Variants in PCDHGA5 observed in about 807,000 individuals in gnomAD.
The protein encoded by PCDHGA5 is protocadherin gamma subfamily A, 5, also known as protocadherin gamma-A5.
In PCDHGA5, 36 loss-of-function variants were observed where a neutral mutation model predicts 56.7. The observed-to-expected ratio is 0.64, with a 90% CI of 0.49 to 0.84. The LOEUF (loss-of-function observed/expected upper bound fraction) is 0.84, where lower values mean the gene tolerates loss of function less well. Ranked by LOEUF, PCDHGA5 falls within the 40% of genes least tolerant of loss-of-function variation. PCDHGA5 has a pLI of 0.00. For synonymous variants in PCDHGA5, 563 were observed against 520.2 expected, an observed-to-expected ratio of 1.08 and a Z score of -1.12; for missense variants, 1,305 against 1,201.5, an observed-to-expected ratio of 1.09 and a Z score of -1.27.
Position 141,382,148 on chromosome 5 carries a change from G to T in PCDHGA5, c.2421+15397G>T, listed in dbSNP as rs368948292. 1.1e-3 allele frequency among the ~76,000 whole-genome samples: 162 copies of T among 151,932 alleles called. 4 individuals are homozygous for T. In the South Asian group the frequency reaches 0.024, roughly 23 times the overall value. Reference sequence around the variant, plus strand: ...TGGCCCCCCCTCTCATTTTTTAAACGGTTAAAATGAAGGTGTTAGACCGTC... The same window carrying T: ...TGGCCCCCCCTCTCATTTTTTAAACTGTTAAAATGAAGGTGTTAGACCGTC... On this transcript the variant is annotated intron_variant, in intron 1 of 3. Coordinates refer to ENST00000518069, the MANE Select transcript of PCDHGA5 (RefSeq NM_018918.3).
chr5:141,405,459 A>T, intron 1 of PCDHGA5: 2 of 1,229,452 alleles, frequency 1.6e-6, no homozygotes, highest in Non-Finnish European at 2.3e-6. Flanking sequence ...TTACTCTGTT[A>T]CCCAGGCTGG....
intron 1 of PCDHGA5, chr5:141,402,889 G>A: frequency 1.3e-6 from 2 of 1,493,808 alleles, no homozygotes; most frequent in South Asian, 1.4e-5. Context: ...CAGGGTGGAA[G>A]AAAGAACCTG....
chr5:141,437,978 C>T (rs1014157103), intron 1 of PCDHGA5, among the ~76,000 whole-genome samples: 2 of 152,212 alleles, frequency 1.3e-5, no homozygotes, highest in East Asian at 1.9e-4. Context: ...TCTTGGGATG[C>T]ACCCACCCCA....
intron 3 of PCDHGA5, among the ~76,000 whole-genome samples, chr5:141,506,320 G>A (rs1054880362): frequency 8.6e-5 from 13 of 151,966 alleles, no homozygotes; most frequent in South Asian, 8.3e-4. Flanking sequence ...ATGGTGGTGC[G>A]TGCCTGTAGT....
chr5:141,487,848 G>C lies in PCDHGA5; in HGVS notation c.2422-6959G>C. ...TCATGCCTATATCTGAGTAAGAAAT[G>C]AAAGTAATTGGTGATCAAGAGCCAG... is the stretch of plus-strand genomic sequence containing the variant. On this transcript the variant is annotated intron_variant, in intron 1 of 3. Coordinates refer to ENST00000518069, the MANE Select transcript of PCDHGA5 (RefSeq NM_018918.3). The surrounding 1 kb of genome is among the most constrained non-coding windows in gnomAD (Gnocchi z 5.0). 1 of 1,022,244 alleles carries C rather than the reference G, an allele frequency of 9.8e-7. No homozygotes were observed. The highest frequency in any genetic ancestry group is 1.4e-6 in the Non-Finnish European group (1 of 711,992). The allele number at this position is 1,022,244 out of a possible 1,614,324, so 63.3% of individuals were successfully genotyped here. A position where few individuals can be genotyped will look rare whatever the true frequency, so the allele number is the denominator to read the frequency against.
At chr5:141,372,253 GC>G in intron 1 of PCDHGA5, 1 of 1,613,158 alleles carries the variant, frequency 6.2e-7, no homozygotes, top group Non-Finnish European at 8.5e-7. Flanking sequence ...TTCAGCCTGG[GC>G]CTGCGCACGG....
chr5:141,438,591 CATATATATATATATAT>C (rs946798767), intron 1 of PCDHGA5, among the ~76,000 whole-genome samples: 4 of 75,562 alleles, frequency 5.3e-5, no homozygotes, highest in East Asian at 3.5e-4. Context: ...TACATACATA[CATATATATATATATAT>C]ATATATATAT....
rs2149854630 is a variant in PCDHGA5, at chr5:141,364,185, C to G, written c.-146C>G. The G allele has an allele frequency of 1.0e-6, 1 of 992,250 alleles. No homozygotes were observed. Among genetic ancestry groups the G allele is most frequent in the East Asian group, 2.8e-5 (1 of 35,366 alleles). 61.5% of individuals were successfully genotyped at this position (992,250 alleles called of 1,614,324 possible). On this transcript the variant is annotated 5_prime_UTR_variant, in exon 1 of 4. Transcript: ENST00000518069. ...GCGACCCGACTCTGCTCCCTCCATA[C>G]TAAACACACAGACCAGACAAGCTCC...
Position 141,487,767 on chromosome 5 carries a change from T to G in PCDHGA5, c.2422-7040T>G, listed in dbSNP as rs2099665569. The G allele has an allele frequency of 5.2e-6, 8 of 1,538,298 alleles. No homozygotes were observed. The African/African-American group carries it at 9.6e-5, about 18-fold the overall frequency. On this transcript the variant is annotated intron_variant, in intron 1 of 3. Transcript: ENST00000518069. This position sits in a 1 kb window ranked among gnomAD's most constrained non-coding sequence, Gnocchi z 5.0. ...GGTAACTATGTGGTAGACGCTGTGC[T>G]TTGTAACTGTTTCGTGAATTAACCA... is the stretch of plus-strand genomic sequence containing the variant.
intron 1 of PCDHGA5, among the ~76,000 whole-genome samples, chr5:141,445,554 C>T (rs898901856): frequency 3.3e-5 from 5 of 152,102 alleles, no homozygotes; most frequent in African/African-American, 1.2e-4. Context: ...TACAAAAGCA[C>T]TAAGAGAAAG....
chr5:141,406,415 GC>G (rs2094806009), intron 1 of PCDHGA5, among the ~76,000 whole-genome samples: 1 of 152,164 alleles, frequency 6.6e-6, no homozygotes, highest in Non-Finnish European at 1.5e-5. Flanking sequence ...ACAGCTGAAA[GC>G]CCAGATTTAT....
chr5:141,403,186 C>G, intron 1 of PCDHGA5: 2 of 1,614,012 alleles, frequency 1.2e-6, no homozygotes, highest in Non-Finnish European at 1.7e-6. Flanking sequence ...TCTCTCTGAA[C>G]CCGCGCAGCG....
At chr5:141,385,097 C>G in intron 1 of PCDHGA5, 1 of 1,614,192 alleles carries the variant, frequency 6.2e-7, no homozygotes, top group Non-Finnish European at 8.5e-7. Context: ...GGTGGCTTGG[C>G]GAACGTGCCC....
At chr5:141,473,131 A>G (rs1262205483) in intron 1 of PCDHGA5, among the ~76,000 whole-genome samples, 2 of 152,214 alleles carry the variant, frequency 1.3e-5, no homozygotes, top group Admixed American at 6.5e-5. Context: ...TTGGCAAACT[A>G]TATTATCTCT....
chr5:141,399,775 G>T, intron 1 of PCDHGA5: 3 of 1,613,282 alleles, frequency 1.9e-6, no homozygotes, highest in Non-Finnish European at 2.5e-6. Context: ...GTTGGTGGGC[G>T]ACCGAAACGA....
intron 1 of PCDHGA5, chr5:141,403,903 G>T: frequency 1.2e-6 from 2 of 1,613,804 alleles, no homozygotes; most frequent in Non-Finnish European, 1.7e-6. Context: ...TTTATGAAAT[G>T]GAAATACAAG....
intron 1 of PCDHGA5, among the ~76,000 whole-genome samples, chr5:141,458,871 T>C (rs2098955493): frequency 6.6e-6 from 1 of 152,210 alleles, no homozygotes; most frequent in African/African-American, 2.4e-5. Flanking sequence ...TAGCTGGGAC[T>C]ACAGGCATGC....
chr5:141,376,254 T>C (rs745835885), intron 1 of PCDHGA5: 3 of 1,614,098 alleles, frequency 1.9e-6, no homozygotes, highest in Non-Finnish European at 2.5e-6. Context: ...AAGTCACGCC[T>C]GCTGCAGGCT....
Position 141,365,771 on chromosome 5 carries a change from A to T in PCDHGA5, c.1441A>T (p.Ser481Cys). ...CTCTGTGACAGCCCATGACCCCGAC[A>T]GCGGCGACAACGCTCGAGTCACCTA... ...IFSVTAHDPD[S>C]GDNARVTYSL... The change falls in exon 1 of 4, where the codon AGC (serine) becomes TGC (cysteine). Residue 481 changes from serine (S) to cysteine (C), a missense_variant. By Grantham distance (112) the Ser-to-Cys change is moderately radical (BLOSUM62 -1). Transcript: ENST00000518069. The T allele has an allele frequency of 6.2e-7, 1 of 1,613,880 alleles. No homozygotes were observed. The highest frequency in any genetic ancestry group is 1.1e-5 in the South Asian group (1 of 91,076).
Sources: gnomAD v4.1 joint callset for allele counts (sites outside exome capture counted in the v4.1 genomes callset) on GRCh38, gnomAD v4.1.1 for gene constraint, Gnocchi (gnomAD v3.1) non-coding constraint, MANE v1.5 for transcripts, NCBI Gene and HGNC (gene_info 2026-07-23, HGNC 2026-07-21) for gene names.